The following PTPRT variants were observed in gnomAD, a reference collection of about 807,000 sequenced individuals.
The protein encoded by PTPRT is protein tyrosine phosphatase receptor type T, also known as receptor-type tyrosine-protein phosphatase T.
In PTPRT, 56 loss-of-function variants were observed where a neutral mutation model predicts 176.8. The observed-to-expected ratio is 0.32, with a 90% CI of 0.26 to 0.40. The LOEUF is 0.40. Ranked by LOEUF, PTPRT falls within the 10% of genes least tolerant of loss-of-function variation. The pLI, the probability that PTPRT is intolerant of heterozygous loss-of-function variation, is 1.00. For synonymous variants in PTPRT, 783 were observed against 739.0 expected, an observed-to-expected ratio of 1.06 and a Z score of -0.96; for missense variants, 1,540 against 1,908.2, an observed-to-expected ratio of 0.81 and a Z score of 3.60.
chr20:42,498,004 T>C (rs2071685193), intron 7 of PTPRT, among the ~76,000 whole-genome samples: 1 of 152,198 alleles, frequency 6.6e-6, no homozygotes, highest in African/African-American at 2.4e-5. Flanking sequence ...TGTAATGTCA[T>C]GACTTTTCTC....
At chr20:42,944,498 C>G (rs1291104948) in intron 1 of PTPRT, among the ~76,000 whole-genome samples, 1 of 152,192 alleles carries the variant, frequency 6.6e-6, no homozygotes, top group Non-Finnish European at 1.5e-5. Context: ...ACCTGAAGAG[C>G]ATCTCAATTC....
chr20:42,890,788 T>C (rs1016197996), intron 1 of PTPRT, among the ~76,000 whole-genome samples: 5 of 152,198 alleles, frequency 3.3e-5, no homozygotes, highest in African/African-American at 1.2e-4. Flanking sequence ...CTGATACAGT[T>C]TGGCTGTGTC....
intron 19 of PTPRT, among the ~76,000 whole-genome samples, chr20:42,125,163 T>C (rs897729984): frequency 6.6e-5 from 10 of 152,196 alleles, no homozygotes; most frequent in African/African-American, 2.2e-4. Context: ...TACTGCACCC[T>C]ACCCTACTGG....
intron 2 of PTPRT, among the ~76,000 whole-genome samples, chr20:42,808,464 A>G (rs1380253862): frequency 6.6e-6 from 1 of 152,146 alleles, no homozygotes; most frequent in Non-Finnish European, 1.5e-5. Flanking sequence ...CAGGACTATG[A>G]CAGCACAGAG....
chr20:42,615,994 G>A (rs1261681477), intron 7 of PTPRT, among the ~76,000 whole-genome samples: 7 of 126,722 alleles, frequency 5.5e-5, no homozygotes, highest in Non-Finnish European at 1.1e-4. Context: ...TTGGTGTTTT[G>A]GACATGAAGT....
At chr20:42,401,164 T>TAAATAAAC (rs1555842209) in intron 9 of PTPRT, among the ~76,000 whole-genome samples, 19 of 143,306 alleles carry the variant, frequency 1.3e-4, no homozygotes, top group African/African-American at 3.9e-4. Context: ...AATAAATAAA[T>TAAATAAAC]AAACAAACCT....
chr20:42,164,272 C>T (rs994135586), intron 16 of PTPRT, among the ~76,000 whole-genome samples: 1 of 152,166 alleles, frequency 6.6e-6, no homozygotes, highest in Admixed American at 6.5e-5. Flanking sequence ...GGGAACTTGG[C>T]TTTTTATGTG....
At chr20:42,781,536 C>T (rs1600730709) in intron 3 of PTPRT, among the ~76,000 whole-genome samples, 1 of 152,170 alleles carries the variant, frequency 6.6e-6, no homozygotes, top group East Asian at 1.9e-4. Flanking sequence ...CTCTGTCTAC[C>T]CTATATCTCC....
At chr20:43,038,991 G>GA (rs1986498492) in intron 1 of PTPRT, among the ~76,000 whole-genome samples, 1 of 152,200 alleles carries the variant, frequency 6.6e-6, no homozygotes, top group Non-Finnish European at 1.5e-5. Context: ...TCAACACTGT[G>GA]AAAATGCCTG....
chr20:42,133,968 A>G (rs1378158375), intron 18 of PTPRT, among the ~76,000 whole-genome samples: 4 of 152,344 alleles, frequency 2.6e-5, no homozygotes, highest in East Asian at 1.9e-4. Context: ...GGTGCTCTCC[A>G]CTTGACCTCT....
At chr20:42,172,504 G>A (rs979170976) in intron 16 of PTPRT, among the ~76,000 whole-genome samples, 15 of 152,318 alleles carry the variant, frequency 9.8e-5, no homozygotes, top group African/African-American at 3.6e-4. Context: ...GTAAACACCA[G>A]CCCATCACCT....
chr20:42,424,596 T>C (rs2059146933), intron 9 of PTPRT, among the ~76,000 whole-genome samples: 1 of 152,084 alleles, frequency 6.6e-6, no homozygotes, highest in Admixed American at 6.6e-5. Flanking sequence ...TCAAGTTTGG[T>C]ACAATTAGCT....
At chr20:42,814,900 C>T (rs2077757289) in intron 2 of PTPRT, among the ~76,000 whole-genome samples, 5 of 151,898 alleles carry the variant, frequency 3.3e-5, no homozygotes, top group Admixed American at 3.3e-4. Flanking sequence ...AATTGCCTTC[C>T]ATAACAGAGG....
At chr20:42,485,897 G>A (rs765952090) in intron 7 of PTPRT, among the ~76,000 whole-genome samples, 9 of 152,124 alleles carry the variant, frequency 5.9e-5, no homozygotes, top group Non-Finnish European at 1.0e-4. Flanking sequence ...GTTGAGGGAG[G>A]CTTATTTTCT....
chr20:42,155,739 C>T (rs1989322287), intron 17 of PTPRT, among the ~76,000 whole-genome samples: 1 of 152,136 alleles, frequency 6.6e-6, no homozygotes, highest in South Asian at 2.1e-4. Context: ...GCTCTACATG[C>T]AGAAAAAGTG....
chr20:42,275,016 A>G (rs1302294778), intron 13 of PTPRT, among the ~76,000 whole-genome samples: 1 of 152,190 alleles, frequency 6.6e-6, no homozygotes, highest in African/African-American at 2.4e-5. Flanking sequence ...TCCAATTCTG[A>G]GGAAACTTGA....
intron 13 of PTPRT, among the ~76,000 whole-genome samples, chr20:42,267,681 A>G (rs2056862398): frequency 6.6e-6 from 1 of 152,092 alleles, no homozygotes; most frequent in African/African-American, 2.4e-5. Flanking sequence ...AGCATCCTAC[A>G]GTGCACAGGA....
intron 15 of PTPRT, among the ~76,000 whole-genome samples, chr20:42,204,951 G>A (rs1267608306): frequency 6.6e-6 from 1 of 151,420 alleles, no homozygotes; most frequent in Non-Finnish European, 1.5e-5. Context: ...GGACCAGGTT[G>A]GCTTGATACA....
chr20:42,595,019 A>G (rs563676882), intron 7 of PTPRT, among the ~76,000 whole-genome samples: 1 of 152,118 alleles, frequency 6.6e-6, no homozygotes, highest in Non-Finnish European at 1.5e-5. Context: ...CTGTTTCAGG[A>G]CAAGTAATGT....
Sources: allele counts gnomAD v4.1 joint callset (sites outside exome capture counted in the v4.1 genomes callset), GRCh38; gene constraint gnomAD v4.1.1; transcripts MANE v1.5; gene names NCBI Gene and HGNC (gene_info 2026-07-23, HGNC 2026-07-21).